Variants in PCDH15 observed in about 807,000 individuals in gnomAD.
The protein encoded by PCDH15 is protocadherin related 15, also known as protocadherin-15.
A neutral mutation model predicts 178.5 loss-of-function variants in PCDH15; 129 were observed. That is an observed-to-expected ratio of 0.72 (90% CI 0.63 to 0.84). The LOEUF is 0.84. PCDH15 is among the 40% of genes least tolerant of loss of function. PCDH15 has a pLI of 0.00. For synonymous variants in PCDH15, 800 were observed against 732.0 expected (o/e 1.09, Z -1.50); for missense variants, 2,230 against 2,099.9 (o/e 1.06, Z -1.21).
intron 2 of PCDH15, among the ~76,000 whole-genome samples, chr10:55,467,534 C>T (rs1839856943): frequency 2.0e-5 from 3 of 151,940 alleles, no homozygotes; most frequent in African/African-American, 4.8e-5. Context: ...TGGATGTTAG[C>T]CATATTTTAT....
intron 2 of PCDH15, among the ~76,000 whole-genome samples, chr10:54,658,972 A>T (rs1416736627): frequency 6.6e-6 from 1 of 152,096 alleles, no homozygotes; most frequent in Admixed American, 6.6e-5. Context: ...GAAAACAACA[A>T]AGATCAGGGG....
At chr10:54,669,006 A>G (rs1456314134) in intron 1 of PCDH15, among the ~76,000 whole-genome samples, 2 of 152,318 alleles carry the variant, frequency 1.3e-5, no homozygotes, top group East Asian at 3.9e-4. Flanking sequence ...AACGTATGCT[A>G]TCTACCTGCT....
At chr10:54,608,520 C>A (rs555447396) in intron 2 of PCDH15, among the ~76,000 whole-genome samples, 1 of 151,616 alleles carries the variant, frequency 6.6e-6, no homozygotes. Context: ...CTGAGGTGGG[C>A]GGATAGATTG....
At chr10:54,576,829 G>A (rs950636084) in intron 2 of PCDH15, among the ~76,000 whole-genome samples, 3 of 152,154 alleles carry the variant, frequency 2.0e-5, no homozygotes, top group African/African-American at 7.2e-5. Flanking sequence ...CAAAGTAAAA[G>A]AGTGCATCTA....
chr10:54,148,275 C>CATGTGGGATTGGT (rs1386927402), intron 14 of PCDH15, among the ~76,000 whole-genome samples: 1 of 151,916 alleles, frequency 6.6e-6, no homozygotes, highest in Non-Finnish European at 1.5e-5. Flanking sequence ...ATACAGAGTC[C>CATGTGGGATTGGT]TCCCTCAGCA....
chr10:53,914,680 G>A (rs2083399406), intron 25 of PCDH15, among the ~76,000 whole-genome samples: 1 of 152,052 alleles, frequency 6.6e-6, no homozygotes, highest in Non-Finnish European at 1.5e-5. Context: ...GAGTTAATGG[G>A]TGCAGCAAAC....
At chr10:55,035,534 C>G (rs1840713650) in intron 2 of PCDH15, among the ~76,000 whole-genome samples, 1 of 152,120 alleles carries the variant, frequency 6.6e-6, no homozygotes, top group African/African-American at 2.4e-5. Flanking sequence ...CCTACTATAC[C>G]ATGCATCACA....
At chr10:53,966,799 A>T (rs2089069328) in intron 21 of PCDH15, among the ~76,000 whole-genome samples, 1 of 151,672 alleles carries the variant, frequency 6.6e-6, no homozygotes, top group Admixed American at 6.6e-5. Context: ...CACCCTTATT[A>T]GTTATGTTTT....
At chr10:54,858,081 A>G (rs1167001580) in intron 3 of PCDH15, among the ~76,000 whole-genome samples, 1 of 152,130 alleles carries the variant, frequency 6.6e-6, no homozygotes, top group East Asian at 1.9e-4. Flanking sequence ...TCTGACTAGC[A>G]TCTCCCATAA....
chr10:54,671,445 A>G (rs2094670012), intron 1 of PCDH15, among the ~76,000 whole-genome samples: 1 of 152,160 alleles, frequency 6.6e-6, no homozygotes, highest in Admixed American at 6.5e-5. Flanking sequence ...AATGTAATAT[A>G]ATAAAAGTCC....
chr10:53,858,319 C>T (rs1049261936), intron 27 of PCDH15, among the ~76,000 whole-genome samples: 20 of 151,920 alleles, frequency 1.3e-4, no homozygotes, highest in Non-Finnish European at 1.8e-4. Flanking sequence ...ATATAGAGAC[C>T]CCATTAGGGG....
At chr10:54,515,387 A>G (rs2082107919) in intron 3 of PCDH15, among the ~76,000 whole-genome samples, 1 of 152,204 alleles carries the variant, frequency 6.6e-6, no homozygotes, top group African/African-American at 2.4e-5. Context: ...CTAGCACAGC[A>G]GTCTGAGATC....
chr10:55,244,243 G>T (rs1269977402), intron 1 of PCDH15, among the ~76,000 whole-genome samples: 1 of 151,576 alleles, frequency 6.6e-6, no homozygotes, highest in African/African-American at 2.4e-5. Context: ...TGGAATTTTT[G>T]TCATTTCTGC....
At chr10:55,345,157 C>CTA (rs61288405) in intron 2 of PCDH15, among the ~76,000 whole-genome samples, 2,942 of 150,456 alleles carry the variant, frequency 0.02, 84 homozygotes, top group African/African-American at 0.063. Flanking sequence ...CTCTCTCTCT[C>CTA]TATATATATA....
intron 2 of PCDH15, among the ~76,000 whole-genome samples, chr10:54,898,549 A>C (rs538561014): frequency 6.6e-6 from 1 of 152,286 alleles, no homozygotes; most frequent in African/African-American, 2.4e-5. Flanking sequence ...CAATAAGATA[A>C]AGATATAATC....
At chr10:54,323,188 G>A (rs548426019) in intron 7 of PCDH15, among the ~76,000 whole-genome samples, 1 of 152,148 alleles carries the variant, frequency 6.6e-6, no homozygotes, top group East Asian at 1.9e-4. Flanking sequence ...AGTTAGAATG[G>A]CTATTATTAA....
chr10:54,372,058 A>G (rs1371582533), intron 4 of PCDH15, among the ~76,000 whole-genome samples: 5 of 152,016 alleles, frequency 3.3e-5, no homozygotes, highest in African/African-American at 1.2e-4. Flanking sequence ...TGTGTAATAG[A>G]CCTTTTAAGG....
At chr10:55,242,293 G>A (rs1332604994) in intron 1 of PCDH15, among the ~76,000 whole-genome samples, 1 of 152,004 alleles carries the variant, frequency 6.6e-6, no homozygotes, top group South Asian at 2.1e-4. Flanking sequence ...GCTTGTATGT[G>A]CAAAGATATT....
At chr10:53,945,837 G>GTACATATATA (rs1554876098) in intron 23 of PCDH15, among the ~76,000 whole-genome samples, 1 of 119,446 alleles carries the variant, frequency 8.4e-6, no homozygotes, top group African/African-American at 3.2e-5. Context: ...ATATTTCATT[G>GTACATATATA]TATATATATA....
Sources: allele counts gnomAD v4.1 joint callset (sites outside exome capture counted in the v4.1 genomes callset), GRCh38; gene constraint gnomAD v4.1.1; transcripts MANE v1.5; gene names NCBI Gene and HGNC (gene_info 2026-07-23, HGNC 2026-07-21).